The following ADGRB3 variants were observed in gnomAD, a reference collection of about 807,000 sequenced individuals.
The protein encoded by ADGRB3 is brain-specific angiogenesis inhibitor 3.
Under a neutral mutation model 193.4 loss-of-function variants are expected in ADGRB3, and 37 were observed. The ratio of observed to expected loss-of-function variants is 0.19; its 90% CI spans 0.15 to 0.25. ADGRB3 has a LOEUF of 0.25. Among genes scored for constraint, ADGRB3 ranks in the 10% least tolerant of loss-of-function variants. ADGRB3 has a pLI of 1.00. For synonymous variants in ADGRB3, 690 were observed against 644.2 expected, an observed-to-expected ratio of 1.07 and a Z score of -1.08; for missense variants, 1,637 against 1,852.9, an observed-to-expected ratio of 0.88 and a Z score of 2.14.
chr6:69,149,926 G>C (rs1451371491), intron 17 of ADGRB3, among the ~76,000 whole-genome samples: 3 of 34,236 alleles, frequency 8.8e-5, no homozygotes, highest in East Asian at 5.9e-4. Flanking sequence ...CTGTCTTTCT[G>C]TGTGTGTGTG....
At chr6:68,970,752 A>G (rs1480582077) in intron 8 of ADGRB3, among the ~76,000 whole-genome samples, 1 of 152,236 alleles carries the variant, frequency 6.6e-6, no homozygotes, top group African/African-American at 2.4e-5. Context: ...ACACAGGCCC[A>G]ACACATGTGA....
intron 3 of ADGRB3, among the ~76,000 whole-genome samples, chr6:68,928,036 C>T (rs10485434): frequency 0.33 from 50,444 of 151,574 alleles, 9,476 homozygotes; most frequent in Middle Eastern, 0.52. Flanking sequence ...GAAATAACTA[C>T]GGTGTAGGAT....
intron 3 of ADGRB3, among the ~76,000 whole-genome samples, chr6:68,829,337 A>G (rs1387151672): frequency 2.6e-5 from 4 of 151,866 alleles, no homozygotes; most frequent in African/African-American, 9.7e-5. Context: ...CCTGACCTCA[A>G]ATGATCCACC....
chr6:69,025,101 A>T (rs796513452), intron 13 of ADGRB3, among the ~76,000 whole-genome samples: 3 of 151,436 alleles, frequency 2.0e-5, no homozygotes, highest in Admixed American at 1.3e-4. Flanking sequence ...CAAAAAAAAA[A>T]AAAAAAAATA....
At chr6:69,160,618 T>G (rs1349849238) in intron 17 of ADGRB3, among the ~76,000 whole-genome samples, 1 of 152,144 alleles carries the variant, frequency 6.6e-6, no homozygotes, top group Non-Finnish European at 1.5e-5. Context: ...ATTTTTCAAT[T>G]ATTTCTTTTC....
At chr6:69,047,409 TATA>T (rs958860362) in intron 13 of ADGRB3, among the ~76,000 whole-genome samples, 47 of 150,306 alleles carry the variant, frequency 3.1e-4, no homozygotes, top group Non-Finnish European at 6.4e-4. Context: ...AACTATTAAA[TATA>T]ATAAAATATA....
At chr6:68,880,092 T>A (rs1765693978) in intron 3 of ADGRB3, among the ~76,000 whole-genome samples, 4 of 152,120 alleles carry the variant, frequency 2.6e-5, no homozygotes. Context: ...TTGCGAATTG[T>A]TTAAAGTGGA....
chr6:69,076,460 A>G (rs1772235938), intron 17 of ADGRB3, among the ~76,000 whole-genome samples: 1 of 152,080 alleles, frequency 6.6e-6, no homozygotes, highest in Non-Finnish European at 1.5e-5. Flanking sequence ...GTAATGCAAT[A>G]TTTATATGGT....
At chr6:68,931,169 T>C (rs1767326946) in intron 4 of ADGRB3, among the ~76,000 whole-genome samples, 1 of 151,972 alleles carries the variant, frequency 6.6e-6, no homozygotes, top group Non-Finnish European at 1.5e-5. Flanking sequence ...AGTTTTGTTA[T>C]ATAAGCTAAA....
chr6:68,736,713 G>A (rs1479867372), intron 3 of ADGRB3, among the ~76,000 whole-genome samples: 1 of 152,064 alleles, frequency 6.6e-6, no homozygotes, highest in Non-Finnish European at 1.5e-5. Flanking sequence ...AATAATTTTA[G>A]TTGCTTAGTT....
At chr6:68,683,835 A>T (rs1764937737) in intron 3 of ADGRB3, among the ~76,000 whole-genome samples, 1 of 152,146 alleles carries the variant, frequency 6.6e-6, no homozygotes, top group African/African-American at 2.4e-5. Flanking sequence ...CATATAAGGC[A>T]TAGCAAATGC....
chr6:68,867,839 C>A lies in ADGRB3; in HGVS notation c.758-62720C>A, dbSNP rs181280681. On this transcript the variant is annotated intron_variant, in intron 3 of 31. Coordinates refer to ENST00000370598, the MANE Select transcript of ADGRB3 (RefSeq NM_001704.3). The stretch of plus-strand genomic sequence containing the variant: ...TCAGACTTGCAAGGGGCCTGTAGAC[C>A]ATTGCTTTTGGCCAATTTCTCCCTT... Among the ~76,000 whole-genome samples the A allele has an allele frequency of 8.8e-3, 1,346 of 152,260 alleles. 35 individuals carry two copies. The highest frequency in any genetic ancestry group is 0.031 in the African/African-American group (1,285 of 41,560).
chr6:69,172,330 G>A (rs1284492668), intron 17 of ADGRB3, among the ~76,000 whole-genome samples: 1 of 152,034 alleles, frequency 6.6e-6, no homozygotes, highest in Non-Finnish European at 1.5e-5. Context: ...CTCTCCTAGT[G>A]GAGGGAAAGA....
intron 3 of ADGRB3, among the ~76,000 whole-genome samples, chr6:68,665,121 G>A (rs12196021): frequency 0.26 from 39,121 of 151,382 alleles, 6,038 homozygotes; most frequent in Non-Finnish European, 0.35. Context: ...AAGGTGAAGA[G>A]TGAAGGACCA....
At chr6:68,993,191 GT>G (rs3839459) in intron 10 of ADGRB3, among the ~76,000 whole-genome samples, 39,860 of 140,492 alleles carry the variant, frequency 0.28, 5,605 homozygotes, top group East Asian at 0.62. Context: ...TGTTTTTGCT[GT>G]TTTTTTTTAA....
At chr6:69,069,441 T>C in intron 16 of ADGRB3, among the ~76,000 whole-genome samples, 1 of 150,650 alleles carries the variant, frequency 6.6e-6, no homozygotes, top group Admixed American at 6.7e-5. Context: ...TTTTAATGTG[T>C]CCTTCTGAAG....
chr6:68,787,673 T>C (rs553856318), intron 3 of ADGRB3, among the ~76,000 whole-genome samples: 1 of 152,314 alleles, frequency 6.6e-6, no homozygotes, highest in South Asian at 2.1e-4. Context: ...CCTCATAAAA[T>C]GAGTTAGGGA....
At chr6:69,297,989 G>A (rs761686850) in intron 20 of ADGRB3, among the ~76,000 whole-genome samples, 7 of 151,896 alleles carry the variant, frequency 4.6e-5, no homozygotes, top group East Asian at 1.9e-4. Flanking sequence ...TGGAGTTTTC[G>A]TTCTCACATT....
intron 20 of ADGRB3, 82 bp from the exon 21 acceptor site, chr6:69,324,790 G>C: frequency 6.9e-7 from 1 of 1,447,268 alleles, no homozygotes; most frequent in Non-Finnish European, 9.4e-7. Flanking sequence ...CAATGAATCA[G>C]AGATTAACAA....
Sources: allele counts gnomAD v4.1 joint callset (sites outside exome capture counted in the v4.1 genomes callset), GRCh38; gene constraint gnomAD v4.1.1; transcripts MANE v1.5; gene names NCBI Gene and HGNC (gene_info 2026-07-23, HGNC 2026-07-21).